The following FGD4 variants were observed in gnomAD, a reference collection of about 807,000 sequenced individuals.
The protein encoded by FGD4 is FYVE, RhoGEF and PH domain-containing protein 4.
A neutral mutation model predicts 102.0 loss-of-function variants in FGD4; 42 were observed. The ratio of observed to expected loss-of-function variants is 0.41; its 90% CI spans 0.32 to 0.53. The LOEUF (loss-of-function observed/expected upper bound fraction) is 0.53, where lower values mean the gene tolerates loss of function less well. Among genes scored for constraint, FGD4 ranks in the 20% least tolerant of loss-of-function variants. FGD4 has a pLI of 0.21. For missense variants in FGD4, 902 were observed against 1,078.2 expected (o/e 0.84, Z 2.29); for synonymous variants, 380 against 375.7 (o/e 1.01, Z -0.13).
At chr12:32,636,114 C>T (rs566581110) in intron 15 of FGD4, among the ~76,000 whole-genome samples, 18 of 152,002 alleles carry the variant, frequency 1.2e-4, no homozygotes, top group Middle Eastern at 3.4e-3. Context: ...CTGAAGTTAG[C>T]GTTCCCTATC....
chr12:32,487,796 G>A (rs1049747831), intron 1 of FGD4, among the ~76,000 whole-genome samples: 13 of 152,144 alleles, frequency 8.5e-5, no homozygotes, highest in Non-Finnish European at 1.6e-4. Context: ...TGAACTCCTG[G>A]GCTCAAGCAG....
intron 11 of FGD4, among the ~76,000 whole-genome samples, chr12:32,621,811 T>C (rs1276115237): frequency 6.6e-6 from 1 of 152,130 alleles, no homozygotes; most frequent in African/African-American, 2.4e-5. Context: ...GAATATATGA[T>C]GCTCTGCTGA....
At chr12:32,465,151 T>A (rs765757690) in intron 1 of FGD4, among the ~76,000 whole-genome samples, 4 of 152,196 alleles carry the variant, frequency 2.6e-5, no homozygotes, top group Non-Finnish European at 4.4e-5. Context: ...CCTGTTGAGC[T>A]GAAAATTCAC....
At chr12:32,526,769 C>T (rs976723275) in intron 1 of FGD4, among the ~76,000 whole-genome samples, 22 of 152,260 alleles carry the variant, frequency 1.4e-4, no homozygotes, top group Non-Finnish European at 2.9e-4. Context: ...CACTCCTGAG[C>T]CCAGCAAGAC....
chr12:32,617,157 G>T, intron 10 of FGD4, among the ~76,000 whole-genome samples: 1 of 152,118 alleles, frequency 6.6e-6, no homozygotes, highest in East Asian at 1.9e-4. Flanking sequence ...TCCAACACAC[G>T]CTTTTTACAC....
rs759095061 is a variant in FGD4 at position 32,598,584 on chromosome 12, C to G, written c.1099C>G (p.Gln367Glu). 1.9e-6 allele frequency: 3 copies of G among 1,609,862 alleles called. No individual in the cohort carries two copies. Among genetic ancestry groups the G allele is most frequent in the East Asian group, 2.2e-5 (1 of 44,782 alleles). The change falls in exon 5 of 17, where the codon CAG becomes GAG. Residue 367 changes from glutamine (Q) to glutamate (E), a missense_variant and splice_region_variant. Transcript: ENST00000534526. ...TGTCAACCGACTTGACCTCTTAGAT[C>G]AGGTAAGATTTTCTTTCTCAGAATT... ...AYVNRLDLLD[Q>E]VFYCKLLEEA...
At chr12:32,443,406 AGTG>A (rs761309018) in intron 1 of FGD4, among the ~76,000 whole-genome samples, 111 of 152,198 alleles carry the variant, frequency 7.3e-4, no homozygotes, top group Middle Eastern at 3.4e-3. Context: ...GCTAGAGTGC[AGTG>A]GTGCAATCAT....
At chr12:32,621,629 G>C (rs1949849217) in intron 11 of FGD4, among the ~76,000 whole-genome samples, 1 of 152,174 alleles carries the variant, frequency 6.6e-6, no homozygotes, top group Non-Finnish European at 1.5e-5. Flanking sequence ...TTTGGAATGT[G>C]GGCAGGCTGG....
At chr12:32,625,269 CTTT>C (rs374139685) in intron 13 of FGD4, among the ~76,000 whole-genome samples, 1 of 119,906 alleles carries the variant, frequency 8.3e-6, no homozygotes, top group African/African-American at 3.2e-5. Context: ...TTTTCTTATT[CTTT>C]TTTTTTTTTT....
chr12:32,596,436 G>A (rs560169009), intron 4 of FGD4, among the ~76,000 whole-genome samples: 1 of 152,322 alleles, frequency 6.6e-6, no homozygotes, highest in South Asian at 2.1e-4. Context: ...GGAGGGAATG[G>A]TGCCTGTGAT....
At chr12:32,543,077 C>A (rs1459182821) in intron 1 of FGD4, among the ~76,000 whole-genome samples, 3 of 152,152 alleles carry the variant, frequency 2.0e-5, no homozygotes, top group Admixed American at 2.0e-4. Context: ...GACTGACTCA[C>A]CGTAAATCAG....
Position 32,506,386 on chromosome 12 carries a change from T to C in FGD4, c.167-57751T>C, listed in dbSNP as rs1049070680. The stretch of plus-strand genomic sequence containing the variant: ...GCAGGCATTCTCCCTTCTAGCCCTA[T>C]CTATATGTGAAGTAAAATGATCAGA... On this transcript the variant is annotated intron_variant, in intron 1 of 16. Coordinates refer to ENST00000534526, the MANE Select transcript of FGD4 (RefSeq NM_001370298.3). The surrounding 1 kb of genome is among the most constrained non-coding windows in gnomAD (Gnocchi z 4.5). 6.6e-6 allele frequency among the ~76,000 whole-genome samples: 1 copy of C among 152,146 alleles called. No homozygotes were observed. The highest frequency in any genetic ancestry group is 1.5e-5 in the Non-Finnish European group (1 of 68,024).
In FGD4 at chr12:32,520,425, G is replaced by GTTTT. The variant is rs572548423; in HGVS notation, c.167-43708_167-43705dup. ...TGCCCTATTTTAAGTTCTATTGTGG[G>GTTTT]TTTTTTTGTTTTTTGTTTTTTTTTT... On this transcript the variant is annotated intron_variant, in intron 1 of 16. Coordinates refer to ENST00000534526, the MANE Select transcript of FGD4 (RefSeq NM_001370298.3). 4.7e-3 allele frequency among the ~76,000 whole-genome samples: 528 copies of GTTTT among 111,384 alleles called. 7 individuals carry two copies. The highest frequency in any genetic ancestry group is 0.016 in the African/African-American group (496 of 30,824). The allele number at this position is 111,384 out of a possible 152,430, so 73.1% of individuals were successfully genotyped here. A position where few individuals can be genotyped will look rare whatever the true frequency, so the allele number is the denominator to read the frequency against.
chr12:32,573,190 G>A (rs528336699), intron 2 of FGD4, among the ~76,000 whole-genome samples: 1 of 152,260 alleles, frequency 6.6e-6, no homozygotes, highest in East Asian at 1.9e-4. Flanking sequence ...CCGCCTCCCG[G>A]GTTCACGCCA....
intron 1 of FGD4, among the ~76,000 whole-genome samples, chr12:32,479,236 G>C (rs1943658166): frequency 6.6e-6 from 1 of 152,118 alleles, no homozygotes; most frequent in African/African-American, 2.4e-5. Context: ...GGAGGTCTCT[G>C]AGTTTTTTTG....
chr12:32,582,859 A>G (rs41276672), intron 4 of FGD4: 4,115 of 193,176 alleles, frequency 0.021, 79 homozygotes, highest in Middle Eastern at 0.053. Context: ...AGAAGTTTCT[A>G]ATAGAATAAA....
chr12:32,496,621 C>G (rs377297908), intron 1 of FGD4, among the ~76,000 whole-genome samples: 2 of 152,050 alleles, frequency 1.3e-5, no homozygotes, highest in African/African-American at 4.8e-5. Flanking sequence ...ACACTCCACA[C>G]GTATTTTAGA....
In FGD4 at chr12:32,640,224, C is replaced by T. The variant is rs1951087817; in HGVS notation, c.2455-52C>T. 8 of 1,613,828 alleles carry T rather than the reference C, an allele frequency of 5.0e-6. No individual in the cohort carries two copies. The Admixed American group carries it at 1.3e-4, about 27-fold the overall frequency. On this transcript the variant is annotated intron_variant, in intron 16 of 16. Transcript: ENST00000534526. ...AGGTTTAGTAGGAGCAAGGGACACACTTAACAAGCGAATACATCACCTGCT... is the reference window on the plus strand; with the variant it reads ...AGGTTTAGTAGGAGCAAGGGACACATTTAACAAGCGAATACATCACCTGCT...
chr12:32,570,614 G>A (rs1404634149), intron 2 of FGD4, among the ~76,000 whole-genome samples: 2 of 151,870 alleles, frequency 1.3e-5, no homozygotes, highest in Non-Finnish European at 1.5e-5. Flanking sequence ...GCTAATTTTT[G>A]TATTTTTAGT....
Sources: gnomAD v4.1 joint callset for allele counts (sites outside exome capture counted in the v4.1 genomes callset) on GRCh38, gnomAD v4.1.1 for gene constraint, Gnocchi (gnomAD v3.1) non-coding constraint, MANE v1.5 for transcripts, NCBI Gene and HGNC (gene_info 2026-07-23, HGNC 2026-07-21) for gene names.